Variants in MED31 observed in about 807,000 individuals in gnomAD.
The protein encoded by MED31 is mediator complex subunit 31.
In MED31, 11 loss-of-function variants were observed where a neutral mutation model predicts 22.0. The ratio of observed to expected loss-of-function variants is 0.50; its 90% CI spans 0.31 to 0.83. MED31 has a LOEUF of 0.83. Ranked by LOEUF, MED31 falls within the 40% of genes least tolerant of loss-of-function variation. The pLI is 0.04. For synonymous variants in MED31, 60 were observed against 55.1 expected (o/e 1.09, Z -0.40); for missense variants, 122 against 155.3 (o/e 0.79, Z 1.14).
At chr17:6,648,398 A>T (rs1365608604) in intron 3 of MED31, among the ~76,000 whole-genome samples, 1 of 152,254 alleles carries the variant, frequency 6.6e-6, no homozygotes, top group Non-Finnish European at 1.5e-5. Flanking sequence ...TCAATGAAGC[A>T]GGCCAAGTGG....
intron 3 of MED31, among the ~76,000 whole-genome samples, chr17:6,647,630 G>C (rs575873991): frequency 6.6e-6 from 1 of 152,226 alleles, no homozygotes; most frequent in African/African-American, 2.4e-5. Context: ...AGACAGCAAA[G>C]ATTTGCTATC....
chr17:6,651,543 C>G lies in MED31; in HGVS notation c.-15G>C, dbSNP rs530717132. 1.2e-6 allele frequency: 2 copies of G among 1,614,076 alleles called. No homozygotes were observed. Among genetic ancestry groups the G allele is most frequent in the East Asian group, 2.2e-5 (1 of 44,868 alleles). ...GCAGCGGCCATAACAAACGAAGACA[C>G]CAAAACGCCACCAGCCTGACAGAGC... On this transcript the variant is annotated 5_prime_UTR_variant, in exon 1 of 4. Coordinates refer to ENST00000225728, the MANE Select transcript of MED31 (RefSeq NM_016060.3).
intron 3 of MED31, 49 bp downstream of exon 3, chr17:6,649,932 AT>A: frequency 6.8e-7 from 1 of 1,465,044 alleles, no homozygotes; most frequent in African/African-American, 1.5e-5. Context: ...TAAGAAATCT[AT>A]TATATAATAA....
chr17:6,648,324 A>G (rs1390603346), intron 3 of MED31, among the ~76,000 whole-genome samples: 2 of 152,238 alleles, frequency 1.3e-5, no homozygotes, highest in African/African-American at 2.4e-5. Context: ...ACCATGGCAC[A>G]ATGGCAGAGG....
chr17:6,644,735 TA>T, intron 3 of MED31, 76 bp from the exon 4 acceptor site: 2 of 1,430,034 alleles, frequency 1.4e-6, no homozygotes, highest in Non-Finnish European at 9.2e-7. Flanking sequence ...GTTATTCTCT[TA>T]AAAACGATCT....
At chr17:6,650,144 T>C (rs1008585879) in intron 2 of MED31, 66 bp from the exon 3 acceptor site, 1 of 1,452,510 alleles carries the variant, frequency 6.9e-7, no homozygotes, top group Non-Finnish European at 9.4e-7. Context: ...TTGTTACCCC[T>C]AATATAAAGG....
chr17:6,646,184 G>A (rs1282335968), intron 3 of MED31, among the ~76,000 whole-genome samples: 1 of 152,176 alleles, frequency 6.6e-6, no homozygotes, highest in Non-Finnish European at 1.5e-5. Context: ...GGCAAAATGT[G>A]AATGAGGTCT....
intron 3 of MED31, among the ~76,000 whole-genome samples, chr17:6,645,747 A>G (rs1013908294): frequency 6.6e-6 from 1 of 152,210 alleles, no homozygotes; most frequent in African/African-American, 2.4e-5. Context: ...ATTCCTTACA[A>G]TCGAATTCCA....
At chr17:6,650,248 A>C (rs1005366114) in intron 2 of MED31, 108 bp downstream of exon 2, 1 of 1,301,358 alleles carries the variant, frequency 7.7e-7, no homozygotes, top group African/African-American at 1.5e-5. Flanking sequence ...CATAAGTGTA[A>C]TGTCATTCAA....
Sources: allele counts gnomAD v4.1 joint callset (sites outside exome capture counted in the v4.1 genomes callset), GRCh38; gene constraint gnomAD v4.1.1; transcripts MANE v1.5; gene names NCBI Gene and HGNC (gene_info 2026-07-23, HGNC 2026-07-21).